The following PREB variants were observed in gnomAD, a reference collection of about 807,000 sequenced individuals.
The protein encoded by PREB is guanine nucleotide-exchange factor SEC12.
Under a neutral mutation model 46.7 loss-of-function variants are expected in PREB, and 29 were observed. That is an observed-to-expected ratio of 0.62 (90% CI 0.46 to 0.85). The LOEUF is 0.85. PREB is among the 40% of genes least tolerant of loss of function. The pLI is 0.00. For synonymous variants in PREB, 224 were observed against 220.1 expected (o/e 1.02, Z -0.16); for missense variants, 494 against 528.4 (o/e 0.93, Z 0.64).
Position 27,131,519 on chromosome 2 carries a change from G to A in PREB, c.1160-11C>T, listed in dbSNP as rs560514864. On this transcript the variant is annotated splice_polypyrimidine_tract_variant and intron_variant, in intron 8 of 8. Transcript: ENST00000260643. Reference sequence around the variant, plus strand: ...ACACAGGAACACTCCCTGCAGGAGGGAAAGGGAGGAGGTCAGCGGGCAAAA... The same window carrying A: ...ACACAGGAACACTCCCTGCAGGAGGAAAAGGGAGGAGGTCAGCGGGCAAAA... 2 of 1,595,024 alleles carry A rather than the reference G, an allele frequency of 1.3e-6. No homozygotes were observed. The highest frequency in any genetic ancestry group is 1.7e-6 in the Non-Finnish European group (2 of 1,170,090).
Position 27,134,343 on chromosome 2 carries a change from G to A in PREB, c.79C>T (p.Leu27=). ...YALQVDPSTG[L]LIAAGGGGAA... ...CCTCCTCCGCCCGCAGCGATGAGCAGCCCAGTGCTGGGGTCGACCTGAAGC... is the reference window on the plus strand; with the variant it reads ...CCTCCTCCGCCCGCAGCGATGAGCAACCCAGTGCTGGGGTCGACCTGAAGC... Residue 27 remains leucine (L), a synonymous_variant, in exon 1 of 9, where the codon CTG becomes TTG. Coordinates refer to ENST00000260643, the MANE Select transcript of PREB (RefSeq NM_013388.6). 1.2e-6 allele frequency: 2 copies of A among 1,611,660 alleles called. No individual in the cohort carries two copies. The highest frequency in any genetic ancestry group is 1.7e-6 in the Non-Finnish European group (2 of 1,179,508).
At chr2:27,133,358 C>A in intron 2 of PREB, 21 bp from the exon 3 acceptor site, 3 of 1,613,472 alleles carry the variant, frequency 1.9e-6, no homozygotes, top group Non-Finnish European at 2.5e-6. Context: ...AACACTTGGC[C>A]AGGTTCCAGG....
At position 27,130,795 on chromosome 2, in the gene PREB, T is replaced by C. The variant is rs745623465; in HGVS notation, c.*619A>G. On this transcript the variant is annotated 3_prime_UTR_variant, in exon 9 of 9. Transcript: ENST00000260643. ...TCACTCTTTCCTTGTTTATTAAATA[T>C]CAACTTTTCCTGCCTAATGGGCTGA... is the stretch of plus-strand genomic sequence containing the variant. 9.5e-6 allele frequency: 15 copies of C among 1,582,744 alleles called. No homozygotes were observed. The highest frequency in any genetic ancestry group is 1.3e-5 in the Non-Finnish European group (15 of 1,153,762).
Position 27,131,848 on chromosome 2 carries a change from T to A in PREB, c.1000-17A>T. 2 of 1,612,864 alleles carry A rather than the reference T, an allele frequency of 1.2e-6. No homozygotes were observed. Among genetic ancestry groups the A allele is most frequent in the Non-Finnish European group, 1.7e-6 (2 of 1,179,252 alleles). ...GTAGAGGCACTGTGGGCAGAAGGAA[T>A]ACCAGTGAGGAAAGGCCTAGCTGGG... is the stretch of plus-strand genomic sequence containing the variant. On this transcript the variant is annotated splice_polypyrimidine_tract_variant and intron_variant, in intron 7 of 8. Transcript: ENST00000260643.
At chr2:27,133,410 T>G (rs2289359) in intron 2 of PREB, 73 bp from the exon 3 acceptor site, 1 of 1,595,902 alleles carries the variant, frequency 6.3e-7, no homozygotes. Flanking sequence ...CCATGGCAGG[T>G]GCCCATACAA....
Position 27,134,544 on chromosome 2 carries a change from C to A in PREB, c.-123G>T. On this transcript the variant is annotated 5_prime_UTR_variant, in exon 1 of 9. It adds an upstream start codon to the 5' untranslated region. Transcript: ENST00000260643. ...TCGCCGCCGGGAGCACTCCCTACCC[C>A]TCTCACACCGGGGAGTTGCCAAAAC... The A allele has an allele frequency of 7.3e-7, 1 of 1,369,058 alleles. No homozygotes were observed. The highest frequency in any genetic ancestry group is 9.4e-7 in the Non-Finnish European group (1 of 1,068,794). The allele number at this position is 1,369,058 out of a possible 1,614,324, so 84.8% of individuals were successfully genotyped here.
Position 27,131,117 on chromosome 2 carries a change from C to A in PREB, c.*297G>T. 1 of 522,216 alleles carries A rather than the reference C, an allele frequency of 1.9e-6. No homozygotes were observed. The highest frequency in any genetic ancestry group is 3.3e-5 in the Admixed American group (1 of 29,864). 32.3% of individuals were successfully genotyped at this position (522,216 alleles called of 1,614,324 possible). A position where few individuals can be genotyped will look rare whatever the true frequency, so the allele number is the denominator to read the frequency against. On this transcript the variant is annotated 3_prime_UTR_variant, in exon 9 of 9. Coordinates refer to ENST00000260643, the MANE Select transcript of PREB (RefSeq NM_013388.6). Reference sequence around the variant, plus strand: ...ATCTTCACATGTTTCTAGATAAGGACAAGCTCAACTCTGGAGCCTCTGGTA... The same window carrying A: ...ATCTTCACATGTTTCTAGATAAGGAAAAGCTCAACTCTGGAGCCTCTGGTA...
At position 27,132,627 on chromosome 2, in the gene PREB, G is replaced by A; in HGVS notation, c.728C>T (p.Thr243Ile). ...WQENGPTFSS[T>I]PYRYQACRFG... ...CCTGCAGGCCTGGTAGCGGTAAGGT[G>A]TGCTGGAAAAGGTGGGTCCATTTTC... Residue 243 changes from threonine to isoleucine, a missense_variant, in exon 5 of 9, where the codon ACA (threonine) becomes ATA (isoleucine). Thr to Ile is a moderately conservative substitution (Grantham distance 89). Transcript: ENST00000260643. This position sits in a 1 kb window ranked among gnomAD's most constrained non-coding sequence, Gnocchi z 4.0. 1 of 1,614,118 alleles carries A rather than the reference G, an allele frequency of 6.2e-7. No individual in the cohort carries two copies. The highest frequency in any genetic ancestry group is 8.5e-7 in the Non-Finnish European group (1 of 1,180,020).
At position 27,133,144 on chromosome 2, in the gene PREB, T is replaced by C. The variant is rs372683350; in HGVS notation, c.519A>G (p.Gly173=). ...TCCAGACACGGACGTAGCCATCTGT[T>C]CCTCCAGTGGCAAGCAGGGTATTAT... ...NHDNTLLATG[G]TDGYVRVWKV... Residue 173 remains glycine, a synonymous_variant, in exon 3 of 9, where the codon GGA becomes GGG. Coordinates refer to ENST00000260643, the MANE Select transcript of PREB (RefSeq NM_013388.6). The C allele has an allele frequency of 2.5e-6, 4 of 1,614,078 alleles. No individual in the cohort carries two copies. In the African/African-American group the frequency reaches 5.3e-5, roughly 22 times the overall value.
chr2:27,133,999 C>G, intron 1 of PREB: 1 of 608,336 alleles, frequency 1.6e-6, no homozygotes, highest in Non-Finnish European at 2.8e-6. Context: ...CAGGCAAGAC[C>G]TCCCGGAAAA....
In PREB at chr2:27,133,137, C is replaced by T. The variant is rs1259347264; in HGVS notation, c.526G>A (p.Gly176Ser). 6.2e-7 allele frequency: 1 copy of T among 1,614,212 alleles called. No individual in the cohort carries two copies. The highest frequency in any genetic ancestry group is 1.7e-5 in the Admixed American group (1 of 60,030). Residue 176 changes from glycine to serine, a missense_variant, in exon 3 of 9, where the codon GGC becomes AGC. By Grantham distance (56) the Gly-to-Ser change is moderately conservative (BLOSUM62 0). Coordinates refer to ENST00000260643, the MANE Select transcript of PREB (RefSeq NM_013388.6). ...NTLLATGGTD[G>S]YVRVWKVPSL... ...CACACCTTCCAGACACGGACGTAGCCATCTGTTCCTCCAGTGGCAAGCAGG... is the reference window on the plus strand; with the variant it reads ...CACACCTTCCAGACACGGACGTAGCTATCTGTTCCTCCAGTGGCAAGCAGG...
intron 8 of PREB, 41 bp from the exon 9 acceptor site, chr2:27,131,549 T>C (rs1158573547): frequency 6.2e-7 from 1 of 1,601,408 alleles, no homozygotes; most frequent in Non-Finnish European, 8.5e-7. Flanking sequence ...GCAAAAGGGC[T>C]TCCCAGCCTG....
Position 27,132,608 on chromosome 2 carries a change from G to A in PREB, c.747C>T (p.Ala249=), listed in dbSNP as rs778007354. 1 of 1,614,018 alleles carries A rather than the reference G, an allele frequency of 6.2e-7. No individual in the cohort carries two copies. Among genetic ancestry groups the A allele is most frequent in the East Asian group, 2.2e-5 (1 of 44,874 alleles). ...TFSSTPYRYQ[A]CRFGQVPDQP... is the part of the protein sequence containing the mutation. ...ACCACCCAAAGTCTTCACACCTGCA[G>A]GCCTGGTAGCGGTAAGGTGTGCTGG... is the stretch of plus-strand genomic sequence containing the variant. The change falls in exon 5 of 9, where the codon GCC becomes GCT. Residue 249 remains alanine, a synonymous_variant. Transcript: ENST00000260643. This position sits in a 1 kb window ranked among gnomAD's most constrained non-coding sequence, Gnocchi z 4.0.
intron 1 of PREB, 115 bp from the exon 2 acceptor site, chr2:27,133,836 C>CTCGAG: frequency 9.2e-7 from 1 of 1,082,322 alleles, no homozygotes; most frequent in South Asian, 1.6e-5. Context: ...ACAAGGGTTT[C>CTCGAG]TCGAGTCTTT....
Position 27,131,258 on chromosome 2 carries a change from C to T in PREB, c.*156G>A. 1 of 698,312 alleles carries T rather than the reference C, an allele frequency of 1.4e-6. No homozygotes were observed. The highest frequency in any genetic ancestry group is 1.8e-5 in the South Asian group (1 of 54,420). 43.3% of individuals were successfully genotyped at this position (698,312 alleles called of 1,614,324 possible). ...ACCTGGAGTCACACAGGGCCATAGC[C>T]AAGCCTTTTCACTAGAAGGGCAGGC... On this transcript the variant is annotated 3_prime_UTR_variant, in exon 9 of 9. Transcript: ENST00000260643.
Position 27,130,775 on chromosome 2 carries a change from C to G in PREB, c.*639G>C. The G allele has an allele frequency of 4.4e-6, 7 of 1,599,406 alleles. No homozygotes were observed. Among genetic ancestry groups the G allele is most frequent in the Non-Finnish European group, 6.0e-6 (7 of 1,167,386 alleles). ...GTACCATTTGGGGTCTCAGTTCACT[C>G]TTTCCTTGTTTATTAAATATCAACT... On this transcript the variant is annotated 3_prime_UTR_variant, in exon 9 of 9. Transcript: ENST00000260643.
In PREB at chr2:27,130,844, G is replaced by GT. The variant is rs1672221227; in HGVS notation, c.*569dup. On this transcript the variant is annotated 3_prime_UTR_variant, in exon 9 of 9. Transcript: ENST00000260643. ...GAGGTTCATTTTCCCATTCCTCAAG[G>GT]TAAGGGTAGACTACCTAGGAACTTA... 1.5e-6 allele frequency: 2 copies of GT among 1,377,526 alleles called. No individual in the cohort carries two copies. Among genetic ancestry groups the GT allele is most frequent in the Non-Finnish European group, 2.0e-6 (2 of 995,046 alleles). The allele number at this position is 1,377,526 out of a possible 1,614,324, so 85.3% of individuals were successfully genotyped here.
intron 1 of PREB, 129 bp from the exon 2 acceptor site, chr2:27,133,850 C>CG: frequency 5.7e-6 from 5 of 872,506 alleles, no homozygotes; most frequent in African/African-American, 1.7e-5. Context: ...AGTCTTTTTT[C>CG]TCTCATTTGG....
chr2:27,131,916 C>A (rs1672293630), intron 7 of PREB, 85 bp from the exon 8 acceptor site: 1 of 1,593,560 alleles, frequency 6.3e-7, no homozygotes. Context: ...CCAGGATTTC[C>A]CTCGATAGGA....
Sources: gnomAD v4.1 joint callset for allele counts on GRCh38, gnomAD v4.1.1 for gene constraint, Gnocchi (gnomAD v3.1) non-coding constraint, MANE v1.5 for transcripts, NCBI Gene and HGNC (gene_info 2026-07-23, HGNC 2026-07-21) for gene names.